ZNF697: variants seen among roughly 807,000 people sequenced by gnomAD.
ZNF697 encodes zinc finger protein 697.
Under a neutral mutation model 32.4 loss-of-function variants are expected in ZNF697, and 23 were observed. The observed-to-expected ratio is 0.71, with a 90% CI of 0.51 to 1.01. The LOEUF is 1.01. Among genes scored for constraint, ZNF697 ranks in the 50% least tolerant of loss-of-function variants. The pLI, the probability that ZNF697 is intolerant of heterozygous loss-of-function variation, is 0.00. For missense variants in ZNF697, 930 were observed against 794.0 expected (o/e 1.17, Z -2.06); for synonymous variants, 418 against 337.2 (o/e 1.24, Z -2.62).
chr1:119,627,648 T>C lies in ZNF697; in HGVS notation c.-37-1511A>G, dbSNP rs587726777. The stretch of plus-strand genomic sequence containing the variant: ...AGACTCATCACCATATTAGACTCTT[T>C]CTGAGAGACGATGATGCGCTCCCTC... On this transcript the variant is annotated intron_variant, in intron 1 of 2. Coordinates refer to ENST00000421812, the MANE Select transcript of ZNF697 (RefSeq NM_001080470.2). Among the ~76,000 whole-genome samples, 7 of 152,288 alleles carry C rather than the reference T, an allele frequency of 4.6e-5. No individual in the cohort carries two copies. In the East Asian group the frequency reaches 1.4e-3, roughly 29 times the overall value.
intron 1 of ZNF697, among the ~76,000 whole-genome samples, chr1:119,635,157 T>C (rs974997890): frequency 2.6e-5 from 4 of 152,214 alleles, no homozygotes; most frequent in African/African-American, 7.2e-5. Context: ...TGGATAATTA[T>C]ATTTTTTTCT....
At chr1:119,633,395 T>G (rs866073245) in intron 1 of ZNF697, among the ~76,000 whole-genome samples, 3,864 of 143,668 alleles carry the variant, frequency 0.027, 64 homozygotes, top group Middle Eastern at 0.072. Context: ...TGTGTGTGTA[T>G]AGAGAGAGAG....
rs587695055 is a variant in ZNF697, at chr1:119,620,431, G to C, written c.*2274C>G. ...ATCAAAAGTTGGATGAGATTTCATA[G>C]GCACAGACTTGAGAAAACTTAAAAC... On this transcript the variant is annotated 3_prime_UTR_variant, in exon 3 of 3. Coordinates refer to ENST00000421812, the MANE Select transcript of ZNF697 (RefSeq NM_001080470.2). 2 of 152,684 alleles carry C rather than the reference G, an allele frequency of 1.3e-5. No homozygotes were observed. The highest frequency in any genetic ancestry group is 3.9e-4 in the East Asian group (2 of 5,188). The allele number at this position is 152,684 out of a possible 1,614,324, so 9.5% of individuals were successfully genotyped here.
In ZNF697 at chr1:119,623,566, C is replaced by A; in HGVS notation, c.777G>T (p.Lys259Asn). 2 of 1,497,466 alleles carry A rather than the reference C, an allele frequency of 1.3e-6. No homozygotes were observed. Among genetic ancestry groups the A allele is most frequent in the East Asian group, 2.7e-5 (1 of 36,434 alleles). 92.8% of individuals were successfully genotyped at this position (1,497,466 alleles called of 1,614,324 possible). The change falls in exon 3 of 3, where the codon AAG (lysine) becomes AAT (asparagine). Residue 259 changes from lysine (K) to asparagine (N), a missense_variant. By Grantham distance (94) the Lys-to-Asn change is moderately conservative. Transcript: ENST00000421812. ...TGCCGCACTCCCCGCAGCGGAAGGG[C>A]TTTTCGCGCGGGGGCCGGGCCAGCG... ...GPPLARPPRE[K>N]PFRCGECGKG...
intron 1 of ZNF697, among the ~76,000 whole-genome samples, chr1:119,636,368 A>T (rs587656611): frequency 6.6e-6 from 1 of 152,330 alleles, no homozygotes; most frequent in East Asian, 1.9e-4. Context: ...AAACCCTGTT[A>T]TAAACCACTA....
rs923128318 is a variant in ZNF697, at chr1:119,621,452, T to C, written c.*1253A>G. The C allele has an allele frequency of 7.2e-5, 11 of 152,668 alleles. No homozygotes were observed. The highest frequency in any genetic ancestry group is 2.7e-4 in the African/African-American group (11 of 41,460). The allele number at this position is 152,668 out of a possible 1,614,324, so 9.5% of individuals were successfully genotyped here. On this transcript the variant is annotated 3_prime_UTR_variant, in exon 3 of 3. Transcript: ENST00000421812. ...TATCAAAGTGCTATTTTGGCATCTATATAACAACCAGAAAACATTCATTGT... is the reference window on the plus strand; with the variant it reads ...TATCAAAGTGCTATTTTGGCATCTACATAACAACCAGAAAACATTCATTGT...
chr1:119,641,949 A>G (rs950825476), intron 1 of ZNF697, among the ~76,000 whole-genome samples: 6 of 152,236 alleles, frequency 3.9e-5, no homozygotes, highest in Non-Finnish European at 8.8e-5. Flanking sequence ...AGAATGAACT[A>G]ATACAAACAT....
Position 119,622,980 on chromosome 1 carries a change from G to A in ZNF697, c.1363C>T (p.His455Tyr), listed in dbSNP as rs781404568. Residue 455 changes from histidine (H) to tyrosine (Y), a missense_variant, in exon 3 of 3, where the codon CAC (histidine) becomes TAC (tyrosine). Transcript: ENST00000421812. ...TTCTCGCCGGTGTGCACGCGCAGGT[G>A]GTTCACCAGGTGCGAGTTACGCCCG... ...GFGRNSHLVN[H>Y]LRVHTGEKPF... 1 of 1,598,366 alleles carries A rather than the reference G, an allele frequency of 6.3e-7. No homozygotes were observed.
At position 119,622,738 on chromosome 1, in the gene ZNF697, G is replaced by A; in HGVS notation, c.1605C>T (p.His535=). 6.4e-7 allele frequency: 1 copy of A among 1,563,956 alleles called. No homozygotes were observed. Among genetic ancestry groups the A allele is most frequent in the South Asian group, 1.2e-5 (1 of 85,232 alleles). The change falls in exon 3 of 3, where the codon CAC becomes CAT. Residue 535 remains histidine, a synonymous_variant. Transcript: ENST00000421812. ...GCGKGFRYKT[H]LAQHQKLHLC is the part of the protein sequence containing the mutation. ...GGTGCAGCTTCTGGTGCTGCGCGAG[G>A]TGCGTTTTATAGCGGAAGCCTTTGC...
At chr1:119,628,061 CGGGGCGG>C (rs1230110271) in intron 1 of ZNF697, among the ~76,000 whole-genome samples, 2 of 95,592 alleles carry the variant, frequency 2.1e-5, no homozygotes, top group African/African-American at 9.0e-5. Context: ...CAGGCGTTGG[CGGGGCGG>C]GGGGCGGGGG....
intron 1 of ZNF697, among the ~76,000 whole-genome samples, chr1:119,633,982 C>G (rs1648853398): frequency 6.6e-6 from 1 of 152,220 alleles, no homozygotes; most frequent in Non-Finnish European, 1.5e-5. Flanking sequence ...ATTTAATCAT[C>G]TATTTCACTG....
At chr1:119,624,658 A>T (rs1054034230) in intron 2 of ZNF697, among the ~76,000 whole-genome samples, 1 of 151,990 alleles carries the variant, frequency 6.6e-6, no homozygotes, top group African/African-American at 2.4e-5. Flanking sequence ...GCAGTGGCGC[A>T]ATCTTGGCTC....
At chr1:119,646,077 G>A (rs587681944) in intron 1 of ZNF697, among the ~76,000 whole-genome samples, 1 of 152,252 alleles carries the variant, frequency 6.6e-6, no homozygotes, top group African/African-American at 2.4e-5. Context: ...TGCTGCTGAT[G>A]TGAGGTCACT....
chr1:119,626,996 A>T (rs941977168), intron 1 of ZNF697, among the ~76,000 whole-genome samples: 1 of 152,238 alleles, frequency 6.6e-6, no homozygotes, highest in Non-Finnish European at 1.5e-5. Context: ...AGAAAATGAC[A>T]TCAGATTCCT....
chr1:119,648,174 G>A lies in ZNF697; in HGVS notation c.-521C>T, dbSNP rs1163457301. ...TTGTGCGGCGGCGGCGGCTGCAGCG[G>A]CCGCTGGGTGGCCCGCTGGCTGGCT... On this transcript the variant is annotated 5_prime_UTR_variant, in exon 1 of 3. Transcript: ENST00000421812. 6.8e-6 allele frequency among the ~76,000 whole-genome samples: 1 copy of A among 147,718 alleles called. No homozygotes were observed. The highest frequency in any genetic ancestry group is 2.5e-5 in the African/African-American group (1 of 40,748).
chr1:119,642,669 A>T (rs944719597), intron 1 of ZNF697, among the ~76,000 whole-genome samples: 11 of 152,236 alleles, frequency 7.2e-5, no homozygotes, highest in African/African-American at 2.4e-4. Flanking sequence ...GGAACAAATT[A>T]AAATGAAATA....
At chr1:119,636,170 A>C (rs140617896) in intron 1 of ZNF697, among the ~76,000 whole-genome samples, 170 of 152,298 alleles carry the variant, frequency 1.1e-3, no homozygotes, top group Middle Eastern at 3.4e-3. Flanking sequence ...CAAAGAGAGC[A>C]ACAGTACTAC....
At chr1:119,626,197 C>T (rs1648582278) in intron 1 of ZNF697, 60 bp from the exon 2 acceptor site, 1 of 1,540,712 alleles carries the variant, frequency 6.5e-7, no homozygotes, top group Non-Finnish European at 8.7e-7. Flanking sequence ...CTCACCACGC[C>T]CAGCCTTAAT....
rs1648467858 is a variant in ZNF697, at chr1:119,623,827, C to T, written c.516G>A (p.Val172=). The change falls in exon 3 of 3, where the codon GTG becomes GTA. Residue 172 remains valine (V), a synonymous_variant. Coordinates refer to ENST00000421812, the MANE Select transcript of ZNF697 (RefSeq NM_001080470.2). ...RFHRLHHPMA[V]DLGELDSLVA... ...CCAGGCTATCCAGCTCCCCGAGGTC[C>T]ACGGCCATGGGGTGGTGGAGCCGGT... The T allele has an allele frequency of 6.5e-7, 1 of 1,547,976 alleles. No individual in the cohort carries two copies. The highest frequency in any genetic ancestry group is 2.0e-5 in the Admixed American group (1 of 51,252).
Sources: gnomAD v4.1 joint callset for allele counts (sites outside exome capture counted in the v4.1 genomes callset) on GRCh38, gnomAD v4.1.1 for gene constraint, MANE v1.5 for transcripts, NCBI Gene and HGNC (gene_info 2026-07-23, HGNC 2026-07-21) for gene names.